Variants in TTYH1 observed in about 807,000 individuals in gnomAD.
TTYH1 encodes the protein protein tweety homolog 1.
Under a neutral mutation model 61.2 loss-of-function variants are expected in TTYH1, and 33 were observed. The observed-to-expected ratio is 0.54, with a 90% CI of 0.41 to 0.72. The LOEUF (loss-of-function observed/expected upper bound fraction) is 0.72, where lower values mean the gene tolerates loss of function less well. Ranked by LOEUF, TTYH1 falls within the 30% of genes least tolerant of loss-of-function variation. The pLI is 0.00. For missense variants in TTYH1, 538 were observed against 575.8 expected, an observed-to-expected ratio of 0.93 and a Z score of 0.67; for synonymous variants, 308 against 266.4, an observed-to-expected ratio of 1.16 and a Z score of -1.52.
At chr19:54,423,484 C>T (rs1203778529) in intron 4 of TTYH1, among the ~76,000 whole-genome samples, 1 of 152,304 alleles carries the variant, frequency 6.6e-6, no homozygotes, top group Admixed American at 6.5e-5. Context: ...ATTTATTTAG[C>T]ACCCTCTGGT....
At chr19:54,427,517 T>G (rs918179259) in intron 5 of TTYH1, among the ~76,000 whole-genome samples, 4 of 150,698 alleles carry the variant, frequency 2.7e-5, no homozygotes, top group Non-Finnish European at 5.9e-5. Context: ...GGCAGGAGAA[T>G]CGCTTGAACC....
In TTYH1 at chr19:54,429,471, A is replaced by G; in HGVS notation, c.807+92A>G. On this transcript the variant is annotated intron_variant, in intron 6 of 13. Transcript: ENST00000376530. The surrounding 1 kb of genome is among the most constrained non-coding windows in gnomAD (Gnocchi z 5.1). The stretch of plus-strand genomic sequence containing the variant: ...CTCGGGATGGCATGGCTTAGTAGAG[A>G]AAGGAATTGGGGGGCACGATCACAG... The G allele has an allele frequency of 8.1e-7, 1 of 1,233,044 alleles. No homozygotes were observed. Among genetic ancestry groups the G allele is most frequent in the Non-Finnish European group, 1.2e-6 (1 of 848,290 alleles). The allele number at this position is 1,233,044 out of a possible 1,614,324, so 76.4% of individuals were successfully genotyped here. A position where few individuals can be genotyped will look rare whatever the true frequency, so the allele number is the denominator to read the frequency against.
chr19:54,422,379 G>A lies in TTYH1; in HGVS notation c.607G>A (p.Ala203Thr). 6.4e-7 allele frequency: 1 copy of A among 1,572,186 alleles called. No homozygotes were observed. ...AGTGCCCCTGAGCCCCCTGCAGGTG[G>A]CTGAAAATGTGTCCTTTGTGGAGGA... ...QGVPLSPLQV[A>T]ENVSFVEEYR... Residue 203 changes from alanine to threonine, a missense_variant, in exon 4 of 14, where the codon GCT (alanine) becomes ACT (threonine). Around this residue, in one of 3 missense-constraint regions of TTYH1, gnomAD observed 378 missense variants for 401.2 expected, o/e 0.94. Transcript: ENST00000376530.
intron 10 of TTYH1, chr19:54,431,575 G>C (rs1245155728): frequency 3.8e-6 from 1 of 265,452 alleles, no homozygotes; most frequent in Non-Finnish European, 7.3e-6. Context: ...AAGACTGCCT[G>C]GGTTCCAGTC....
rs1161376316 is a variant in TTYH1, at chr19:54,422,219, G to T, written c.447G>T (p.Glu149Asp). ...LVLETVERLG[E>D]AVRTELTTLE... ...TGGAGACGGTGGAGAGGCTGGGCGA[G>T]GCGGTGAGGACAGAGCTGACCACCC... The change falls in exon 4 of 14, where the codon GAG (glutamate) becomes GAT (aspartate). Residue 149 changes from glutamate (E) to aspartate (D), a missense_variant. Around this residue, in one of 3 missense-constraint regions of TTYH1, gnomAD observed 378 missense variants for 401.2 expected, o/e 0.94. Coordinates refer to ENST00000376530, the MANE Select transcript of TTYH1 (RefSeq NM_020659.4). 2 of 1,565,322 alleles carry T rather than the reference G, an allele frequency of 1.3e-6. No individual in the cohort carries two copies. The highest frequency in any genetic ancestry group is 2.3e-5 in the South Asian group (2 of 85,172).
At chr19:54,433,559 CAAA>C (rs201041157) in intron 10 of TTYH1, 9,037 of 118,542 alleles carry the variant, frequency 0.076, 440 homozygotes, top group African/African-American at 0.15. Context: ...GAATCCGTCT[CAAA>C]AAAAAAAAAA....
At position 54,419,070 on chromosome 19, in the gene TTYH1, G is replaced by C. The variant is rs1362144465; in HGVS notation, c.127-58G>C. 9 of 1,532,222 alleles carry C rather than the reference G, an allele frequency of 5.9e-6. No individual in the cohort carries two copies. The African/African-American group carries it at 9.6e-5, about 16-fold the overall frequency. The allele number at this position is 1,532,222 out of a possible 1,614,324, so 94.9% of individuals were successfully genotyped here. A position where few individuals can be genotyped will look rare whatever the true frequency, so the allele number is the denominator to read the frequency against. On this transcript the variant is annotated intron_variant, in intron 1 of 13. Coordinates refer to ENST00000376530, the MANE Select transcript of TTYH1 (RefSeq NM_020659.4). This position sits in a 1 kb window ranked among gnomAD's most constrained non-coding sequence, Gnocchi z 6.1. ...GACCCCCCAGCCACGCAGGAAGGGG[G>C]ATCTGAGTGTGGAACACACGGGTGC... is the stretch of plus-strand genomic sequence containing the variant.
chr19:54,431,122 G>A lies in TTYH1; in HGVS notation c.1056G>A (p.Glu352=), dbSNP rs146138737. Residue 352 remains glutamate (E), a synonymous_variant, in exon 10 of 14, where the codon GAG becomes GAA. Coordinates refer to ENST00000376530, the MANE Select transcript of TTYH1 (RefSeq NM_020659.4). ...AGAAGCCTCTGCTGTCCTTGGAGGA[G>A]ACTCTGAATGTGACAGAAGGAAATT... ...SAQKPLLSLE[E]TLNVTEGNFH... 29 of 1,613,824 alleles carry A rather than the reference G, an allele frequency of 1.8e-5. No homozygotes were observed. In the African/African-American group the frequency reaches 3.6e-4, roughly 20 times the overall value.
In TTYH1 at chr19:54,436,575, G is replaced by A; in HGVS notation, c.*285G>A. ...TCCCTGGCTGCCGGTCCCATCCTTG[G>A]AGGGACTAAGCTGGGGGTGGGGGAC... On this transcript the variant is annotated 3_prime_UTR_variant, in exon 14 of 14. Transcript: ENST00000376530. The surrounding 1 kb of genome is among the most constrained non-coding windows in gnomAD (Gnocchi z 4.3). 1 of 622,238 alleles carries A rather than the reference G, an allele frequency of 1.6e-6. No individual in the cohort carries two copies. The highest frequency in any genetic ancestry group is 2.9e-6 in the Non-Finnish European group (1 of 348,662). The allele number at this position is 622,238 out of a possible 1,614,324, so 38.5% of individuals were successfully genotyped here. A position where few individuals can be genotyped will look rare whatever the true frequency, so the allele number is the denominator to read the frequency against.
rs369421646 is a variant in TTYH1 at position 54,435,662 on chromosome 19, G to A, written c.1246G>A (p.Ala416Thr). Residue 416 changes from alanine (A) to threonine (T), a missense_variant, in exon 11 of 14, where the codon GCC becomes ACC. Physicochemically the swap from Ala to Thr is moderately conservative, Grantham distance 58. Coordinates refer to ENST00000376530, the MANE Select transcript of TTYH1 (RefSeq NM_020659.4). ...CACTGCCCTCTGCAGCCTGCCCCGAGCCTGGGCCCTCTTCCCACCCAGGTC... is the reference window on the plus strand; with the variant it reads ...CACTGCCCTCTGCAGCCTGCCCCGAACCTGGGCCCTCTTCCCACCCAGGTC... The part of the protein sequence containing the change: ...LATALCSLPR[A>T]WALFPPSDDY... 1 of 1,610,652 alleles carries A rather than the reference G, an allele frequency of 6.2e-7. No homozygotes were observed.
rs1261023411 is a variant in TTYH1 at position 54,435,589 on chromosome 19, C to T, written c.1173C>T (p.Gly391=). Residue 391 remains glycine, a synonymous_variant, in exon 11 of 14, where the codon GGC becomes GGT. Transcript: ENST00000376530. The part of the protein sequence containing the change: ...LRGLCEDALE[G]LLFLLLFSLL... ...GCCTGTGCGAAGACGCCCTGGAAGG[C>T]CTGCTCTTCCTGCTACTCTTCTCCC... is the stretch of plus-strand genomic sequence containing the variant. 7 of 1,610,934 alleles carry T rather than the reference C, an allele frequency of 4.3e-6. No individual in the cohort carries two copies. Among genetic ancestry groups the T allele is most frequent in the Admixed American group, 1.7e-5 (1 of 59,958 alleles).
At position 54,421,450 on chromosome 19, in the gene TTYH1, G is replaced by T; in HGVS notation, c.417+62G>T. 1 of 1,119,796 alleles carries T rather than the reference G, an allele frequency of 8.9e-7. No homozygotes were observed. The highest frequency in any genetic ancestry group is 1.4e-6 in the Non-Finnish European group (1 of 731,350). 69.4% of individuals were successfully genotyped at this position (1,119,796 alleles called of 1,614,324 possible). Reference sequence around the variant, plus strand: ...ACCTGGACGGGCTCCCCACACCCAAGGACAAAGGGATCCAAACTCAGAGCT... The same window carrying T: ...ACCTGGACGGGCTCCCCACACCCAATGACAAAGGGATCCAAACTCAGAGCT... On this transcript the variant is annotated intron_variant, in intron 3 of 13. Coordinates refer to ENST00000376530, the MANE Select transcript of TTYH1 (RefSeq NM_020659.4). This position sits in a 1 kb window ranked among gnomAD's most constrained non-coding sequence, Gnocchi z 4.8.
intron 7 of TTYH1, 131 bp from the exon 8 acceptor site, chr19:54,430,419 G>A: frequency 1.0e-6 from 1 of 984,556 alleles, no homozygotes; most frequent in Non-Finnish European, 1.6e-6. Context: ...GTCTCTGAAG[G>A]TAAGGCCATC....
At position 54,435,611 on chromosome 19, in the gene TTYH1, T is replaced by G. The variant is rs772512161; in HGVS notation, c.1195T>G (p.Ser399Ala). The part of the protein sequence containing the change: ...LEGLLFLLLF[S>A]LLSAGALATA... ...AGGCCTGCTCTTCCTGCTACTCTTC[T>G]CCCTGCTGTCTGCAGGAGCGCTGGC... Residue 399 changes from serine to alanine, a missense_variant, in exon 11 of 14, where the codon TCC becomes GCC. Around this residue, in one of 3 missense-constraint regions of TTYH1, gnomAD observed 378 missense variants for 401.2 expected, o/e 0.94. Coordinates refer to ENST00000376530, the MANE Select transcript of TTYH1 (RefSeq NM_020659.4). 1 of 1,611,986 alleles carries G rather than the reference T, an allele frequency of 6.2e-7. No homozygotes were observed. Among genetic ancestry groups the G allele is most frequent in the South Asian group, 1.1e-5 (1 of 90,986 alleles).
Position 54,429,290 on chromosome 19 carries a change from T to TCC in TTYH1, c.735-15_735-14dup, listed in dbSNP as rs1450239805. ...GAGATTAAGAACCCCGGGCTGATCC[T>TCC]CCCTCCCCCACTCTAGGATGACAGT... is the stretch of plus-strand genomic sequence containing the variant. On this transcript the variant is annotated splice_polypyrimidine_tract_variant and intron_variant, in intron 5 of 13. Transcript: ENST00000376530. This position sits in a 1 kb window ranked among gnomAD's most constrained non-coding sequence, Gnocchi z 5.1. 6.2e-7 allele frequency: 1 copy of TCC among 1,613,214 alleles called. No individual in the cohort carries two copies. The highest frequency in any genetic ancestry group is 1.1e-5 in the South Asian group (1 of 91,048).
chr19:54,435,517 T>A, intron 10 of TTYH1, 25 bp from the exon 11 acceptor site: 1 of 1,570,984 alleles, frequency 6.4e-7, no homozygotes, highest in Non-Finnish European at 8.6e-7. Context: ...TGGGGACGCA[T>A]GGCCTGATGA....
At position 54,429,422 on chromosome 19, in the gene TTYH1, G is replaced by T. The variant is rs780074628; in HGVS notation, c.807+43G>T. On this transcript the variant is annotated intron_variant, in intron 6 of 13. Transcript: ENST00000376530. This position sits in a 1 kb window ranked among gnomAD's most constrained non-coding sequence, Gnocchi z 5.1. ...GCCATTGGGCTCTGGGACTCAGGGG[G>T]CCTGGAGACTTCAACTTCTGGATCT... The T allele has an allele frequency of 8.9e-6, 14 of 1,572,852 alleles. No homozygotes were observed. The highest frequency in any genetic ancestry group is 3.4e-5 in the Admixed American group (2 of 59,258).
intron 4 of TTYH1, among the ~76,000 whole-genome samples, chr19:54,423,273 C>T (rs1156701431): frequency 1.3e-5 from 2 of 150,854 alleles, no homozygotes; most frequent in Admixed American, 6.6e-5. Flanking sequence ...TCTCGACTCA[C>T]TGCAACCTCC....
chr19:54,422,644 C>T (rs1169346746), intron 4 of TTYH1, among the ~76,000 whole-genome samples: 1 of 152,094 alleles, frequency 6.6e-6, no homozygotes, highest in East Asian at 1.9e-4. Flanking sequence ...TATGACGAGG[C>T]TGGCCAGGCG....
Sources: allele counts gnomAD v4.1 joint callset (sites outside exome capture counted in the v4.1 genomes callset), GRCh38; gene constraint gnomAD v4.1.1; regional missense constraint gnomAD v4.1.1; non-coding constraint Gnocchi (gnomAD v3.1); transcripts MANE v1.5; gene names NCBI Gene and HGNC (gene_info 2026-07-23, HGNC 2026-07-21).